The following ARF1 variants were observed in gnomAD, a reference collection of about 807,000 sequenced individuals.
The protein encoded by ARF1 is ARF GTPase 1, also known as ADP-ribosylation factor 1.
Under a neutral mutation model 18.0 loss-of-function variants are expected in ARF1, and 1 was observed. The ratio of observed to expected loss-of-function variants is 0.06; its 90% CI spans 0.02 to 0.26. The LOEUF (loss-of-function observed/expected upper bound fraction) is 0.26. Among genes scored for constraint, ARF1 ranks in the 10% least tolerant of loss-of-function variants. The pLI, the probability that ARF1 is intolerant of heterozygous loss-of-function variation, is 1.00. For synonymous variants in ARF1, 112 were observed against 96.3 expected (o/e 1.16, Z -0.95); for missense variants, 73 against 247.2 (o/e 0.30, Z 4.73).
In ARF1 at chr1:228,084,814, TG is replaced by T. The variant is rs201163189; in HGVS notation, c.-38+2051del. The stretch of plus-strand genomic sequence containing the variant: ...TCACACGTGGAGTAGTATATGACCA[TG>T]GTTTCAGAGAACTGAAGCAGTTCTT... On this transcript the variant is annotated intron_variant, in intron 1 of 4. Transcript: ENST00000272102. Among the ~76,000 whole-genome samples, 872 of 152,350 alleles carry T rather than the reference TG, an allele frequency of 5.7e-3. 6 individuals are homozygous for T. The highest frequency in any genetic ancestry group is 0.01 in the Middle Eastern group (3 of 294).
At position 228,089,146 on chromosome 1, in the gene ARF1, G is replaced by A. The variant is rs1429790425; in HGVS notation, c.-38+6381G>A. ...TGCAAAGCTGGCTGTCAAGGGGCAG[G>A]AATTGGGAGGAGGGTCTAAAGTCTT... On this transcript the variant is annotated intron_variant, in intron 1 of 4. Coordinates refer to ENST00000272102, the MANE Select transcript of ARF1 (RefSeq NM_001658.4). This position sits in a 1 kb window ranked among gnomAD's most constrained non-coding sequence, Gnocchi z 4.1. Among the ~76,000 whole-genome samples the A allele has an allele frequency of 3.3e-5, 5 of 152,228 alleles. 1 individual carries two copies. The highest frequency in any genetic ancestry group is 6.5e-5 in the Admixed American group (1 of 15,286).
At position 228,089,019 on chromosome 1, in the gene ARF1, G is replaced by A. The variant is rs74140925; in HGVS notation, c.-38+6254G>A. On this transcript the variant is annotated intron_variant, in intron 1 of 4. Transcript: ENST00000272102. This position sits in a 1 kb window ranked among gnomAD's most constrained non-coding sequence, Gnocchi z 4.1. ...TGGCTGACTGGTGTGCTGAGAACAC[G>A]CAGGAGGAGGCTGGAGACGGGGTTC... Among the ~76,000 whole-genome samples, 326 of 152,306 alleles carry A rather than the reference G, an allele frequency of 2.1e-3. 2 individuals are homozygous for A. The highest frequency in any genetic ancestry group is 0.015 in the East Asian group (77 of 5,192).
chr1:228,085,200 G>A (rs1024797960), intron 1 of ARF1, among the ~76,000 whole-genome samples: 5 of 152,258 alleles, frequency 3.3e-5, no homozygotes, highest in Non-Finnish European at 5.9e-5. Context: ...CATTCTGCCC[G>A]TAGCGTCTGA....
intron 1 of ARF1, among the ~76,000 whole-genome samples, chr1:228,094,579 CCA>C (rs2032678305): frequency 1.3e-5 from 2 of 152,102 alleles, no homozygotes; most frequent in South Asian, 4.2e-4. Context: ...ACTTCCTGCT[CCA>C]GTCTGAGGGG....
chr1:228,091,295 A>C (rs1410060532), intron 1 of ARF1, among the ~76,000 whole-genome samples: 1 of 152,224 alleles, frequency 6.6e-6, no homozygotes, highest in Non-Finnish European at 1.5e-5. Context: ...GTCAGACCTG[A>C]TAGATAATGC....
intron 1 of ARF1, among the ~76,000 whole-genome samples, chr1:228,092,158 A>C (rs1355642759): frequency 6.6e-6 from 1 of 152,218 alleles, no homozygotes; most frequent in Non-Finnish European, 1.5e-5. Flanking sequence ...TTTTTGAAAA[A>C]GAACTCTGGG....
At chr1:228,084,736 A>T (rs911424284) in intron 1 of ARF1, among the ~76,000 whole-genome samples, 21 of 152,372 alleles carry the variant, frequency 1.4e-4, no homozygotes, top group Admixed American at 7.2e-4. Flanking sequence ...ATGGACTGTC[A>T]GCCGCTGCGG....
intron 1 of ARF1, chr1:228,090,575 C>G (rs1371280056): frequency 6.6e-6 from 1 of 152,208 alleles, no homozygotes; most frequent in Non-Finnish European, 1.5e-5. Context: ...CGTTTTTGGT[C>G]TTGGTTTTCC....
intron 1 of ARF1, among the ~76,000 whole-genome samples, chr1:228,087,399 C>T (rs898302848): frequency 6.6e-6 from 1 of 152,202 alleles, no homozygotes; most frequent in African/African-American, 2.4e-5. Context: ...GCTCACTCAC[C>T]AATCAAATTT....
In ARF1 at chr1:228,089,357, C is replaced by T. The variant is rs1485744826; in HGVS notation, c.-38+6592C>T. On this transcript the variant is annotated intron_variant, in intron 1 of 4. Transcript: ENST00000272102. The surrounding 1 kb of genome is among the most constrained non-coding windows in gnomAD (Gnocchi z 4.1). ...GGATTTCCTGCAAGGGCGGTGGCCT[C>T]CCAGGGTCTGTGGGGGGGCATCCCC... is the stretch of plus-strand genomic sequence containing the variant. Among the ~76,000 whole-genome samples, 3 of 152,132 alleles carry T rather than the reference C, an allele frequency of 2.0e-5. No homozygotes were observed. Among genetic ancestry groups the T allele is most frequent in the Non-Finnish European group, 2.9e-5 (2 of 68,026 alleles).
chr1:228,083,164 G>C (rs928037875), intron 1 of ARF1: 1 of 152,198 alleles, frequency 6.6e-6, no homozygotes, highest in Non-Finnish European at 1.5e-5. Context: ...GCGCGTGGAC[G>C]GTTGGGATTA....
Position 228,098,059 on chromosome 1 carries a change from T to TC in ARF1, c.*47dup, listed in dbSNP as rs747063787. ...ACTCCTCTTGCCCTCTGCTTTACTC[T>TC]CATGTGGCAAACGTGCGGCTCGTGG... On this transcript the variant is annotated 3_prime_UTR_variant, in exon 5 of 5. Coordinates refer to ENST00000272102, the MANE Select transcript of ARF1 (RefSeq NM_001658.4). 1 of 1,562,376 alleles carries TC rather than the reference T, an allele frequency of 6.4e-7. No individual in the cohort carries two copies. The highest frequency in any genetic ancestry group is 1.8e-5 in the Admixed American group (1 of 55,350).
In ARF1 at chr1:228,098,469, G is replaced by A. The variant is rs1489430955; in HGVS notation, c.*456G>A. 1 of 153,644 alleles carries A rather than the reference G, an allele frequency of 6.5e-6. No homozygotes were observed. Among genetic ancestry groups the A allele is most frequent in the Non-Finnish European group, 1.5e-5 (1 of 68,742 alleles). 9.5% of individuals were successfully genotyped at this position (153,644 alleles called of 1,614,324 possible). Reference sequence around the variant, plus strand: ...GTCGAGAACACTTGAACACACAGAAGGGAGACCCCGCCTAGCATAGATTTG... The same window carrying A: ...GTCGAGAACACTTGAACACACAGAAAGGAGACCCCGCCTAGCATAGATTTG... On this transcript the variant is annotated 3_prime_UTR_variant, in exon 5 of 5. Coordinates refer to ENST00000272102, the MANE Select transcript of ARF1 (RefSeq NM_001658.4).
Position 228,097,472 on chromosome 1 carries a change from T to C in ARF1, c.259+20T>C, listed in dbSNP as rs780442475. On this transcript the variant is annotated intron_variant, in intron 3 of 4. Coordinates refer to ENST00000272102, the MANE Select transcript of ARF1 (RefSeq NM_001658.4). This position sits in a 1 kb window ranked among gnomAD's most constrained non-coding sequence, Gnocchi z 8.1. ...CACAAGGTAAGTGGCTGGGGCCTGG[T>C]CCCATGGGCACTCCTGCTTCTAGAG... 1.9e-6 allele frequency: 3 copies of C among 1,613,532 alleles called. No individual in the cohort carries two copies. In the South Asian group the frequency reaches 3.3e-5, roughly 18 times the overall value.
chr1:228,085,337 AGCTGC>A, intron 1 of ARF1, among the ~76,000 whole-genome samples: 1 of 152,372 alleles, frequency 6.6e-6, no homozygotes, highest in African/African-American at 2.4e-5. Context: ...ATTGCCTTAC[AGCTGC>A]GCAGCTGCCG....
Position 228,091,917 on chromosome 1 carries a change from G to A in ARF1, c.-37-5161G>A, listed in dbSNP as rs140445676. ...GGACTCCCTTAAAATGAAAATCTTC[G>A]TGTGGGACATGAACACAGGCTTTCA... On this transcript the variant is annotated intron_variant, in intron 1 of 4. Coordinates refer to ENST00000272102, the MANE Select transcript of ARF1 (RefSeq NM_001658.4). Among the ~76,000 whole-genome samples the A allele has an allele frequency of 5.9e-5, 9 of 152,164 alleles. No homozygotes were observed. In the East Asian group the frequency reaches 1.3e-3, roughly 23 times the overall value.
rs116167748 is a variant in ARF1 at position 228,089,558 on chromosome 1, A to G, written c.-38+6793A>G. Among the ~76,000 whole-genome samples, 1,243 of 152,326 alleles carry G rather than the reference A, an allele frequency of 8.2e-3. 15 individuals are homozygous for G. Among genetic ancestry groups the G allele is most frequent in the African/African-American group, 0.029 (1,191 of 41,558 alleles). The stretch of plus-strand genomic sequence containing the variant: ...CCCCTCAGCCTACATTTTTAAAATG[A>G]ACGTTTCTTGAAGGCAGAAATCAAG... On this transcript the variant is annotated intron_variant, in intron 1 of 4. Coordinates refer to ENST00000272102, the MANE Select transcript of ARF1 (RefSeq NM_001658.4). The surrounding 1 kb of genome is among the most constrained non-coding windows in gnomAD (Gnocchi z 4.1).
At chr1:228,093,736 C>G (rs1175015750) in intron 1 of ARF1, among the ~76,000 whole-genome samples, 1 of 151,746 alleles carries the variant, frequency 6.6e-6, no homozygotes, top group East Asian at 1.9e-4. Context: ...CAGCCCTGAC[C>G]AACATGGTGA....
rs1271584105 is a variant in ARF1 at position 228,087,803 on chromosome 1, AT to A, written c.-38+5043del. Among the ~76,000 whole-genome samples, 3 of 152,224 alleles carry A rather than the reference AT, an allele frequency of 2.0e-5. No homozygotes were observed. The East Asian group carries it at 5.8e-4, about 29-fold the overall frequency. On this transcript the variant is annotated intron_variant, in intron 1 of 4. Transcript: ENST00000272102. The stretch of plus-strand genomic sequence containing the variant: ...AGCATCTACAACCCCATTTTCCCAC[AT>A]TTTTATGGTCAAAAGAATGTTCAGA...
Sources: gnomAD v4.1 joint callset for allele counts (sites outside exome capture counted in the v4.1 genomes callset) on GRCh38, gnomAD v4.1.1 for gene constraint, Gnocchi (gnomAD v3.1) non-coding constraint, MANE v1.5 for transcripts, NCBI Gene and HGNC (gene_info 2026-07-23, HGNC 2026-07-21) for gene names.